ABCG1: variants seen among roughly 807,000 people sequenced by gnomAD.
ABCG1 encodes ATP binding cassette subfamily G member 1.
A neutral mutation model predicts 69.2 loss-of-function variants in ABCG1; 29 were observed. The ratio of observed to expected loss-of-function variants is 0.42; its 90% CI spans 0.31 to 0.57. The LOEUF is 0.57. Among genes scored for constraint, ABCG1 ranks in the 20% least tolerant of loss-of-function variants. ABCG1 has a pLI of 0.15. For missense variants in ABCG1, 718 were observed against 898.1 expected (o/e 0.80, Z 2.56); for synonymous variants, 370 against 374.8 (o/e 0.99, Z 0.15).
At chr21:42,266,701 G>A (rs1172986829) in intron 2 of ABCG1, among the ~76,000 whole-genome samples, 1 of 152,160 alleles carries the variant, frequency 6.6e-6, no homozygotes, top group African/African-American at 2.4e-5. Context: ...CCCATATTTT[G>A]TGTTAAGGAG....
At chr21:42,221,173 A>T (rs1474292457) in intron 1 of ABCG1, 1 of 152,204 alleles carries the variant, frequency 6.6e-6, no homozygotes, top group Non-Finnish European at 1.5e-5. Flanking sequence ...ATTTCTATTC[A>T]TGCACAGCTG....
intron 2 of ABCG1, among the ~76,000 whole-genome samples, chr21:42,263,871 G>T (rs145650114): frequency 6.6e-6 from 1 of 152,234 alleles, no homozygotes; most frequent in Admixed American, 6.5e-5. Flanking sequence ...ACAAGGCCAC[G>T]GCGTTGCCTG....
intron 2 of ABCG1, among the ~76,000 whole-genome samples, chr21:42,242,878 A>C (rs1229153561): frequency 1.3e-5 from 2 of 151,968 alleles, no homozygotes; most frequent in Non-Finnish European, 2.9e-5. Flanking sequence ...GCTGGGCTGC[A>C]CCCCCGGGGG....
At chr21:42,201,866 T>C in intron 2 of ABCG1, 1 of 1,537,272 alleles carries the variant, frequency 6.5e-7, no homozygotes, top group South Asian at 1.2e-5. Context: ...TGTAGTTTGG[T>C]GAGGGGCCAG....
Position 42,227,632 on chromosome 21 carries a change from C to T in ABCG1, c.286+1718C>T, listed in dbSNP as rs1272177295. Among the ~76,000 whole-genome samples the T allele has an allele frequency of 2.6e-5, 4 of 152,320 alleles. 1 individual carries two copies. The highest frequency in any genetic ancestry group is 6.8e-3 in the Middle Eastern group (2 of 292). On this transcript the variant is annotated intron_variant, in intron 2 of 14. Coordinates refer to ENST00000398449, the MANE Select transcript of ABCG1 (RefSeq NM_016818.3). ...GGCACACAGGTGTAGCCAGTGTTTGCAAGCAGTGAGTATCGCTCCCCTACC... is the reference window on the plus strand; with the variant it reads ...GGCACACAGGTGTAGCCAGTGTTTGTAAGCAGTGAGTATCGCTCCCCTACC...
At position 42,291,484 on chromosome 21, in the gene ABCG1, G is replaced by A. The variant is rs2146344801; in HGVS notation, c.1495-14G>A. 2.6e-5 allele frequency: 41 copies of A among 1,601,986 alleles called. No individual in the cohort carries two copies. Among genetic ancestry groups the A allele is most frequent in the Non-Finnish European group, 3.5e-5 (41 of 1,170,704 alleles). On this transcript the variant is annotated splice_polypyrimidine_tract_variant and intron_variant, in intron 12 of 14. Coordinates refer to ENST00000398449, the MANE Select transcript of ABCG1 (RefSeq NM_016818.3). The surrounding 1 kb of genome is among the most constrained non-coding windows in gnomAD (Gnocchi z 6.4). ...AAGCGGCTGAGCCCGCGGCTGACGG[G>A]TCCTTGTTTCCAGATCATGTTCCCA...
intron 2 of ABCG1, among the ~76,000 whole-genome samples, chr21:42,266,097 T>C (rs768731355): frequency 6.6e-6 from 1 of 152,032 alleles, no homozygotes; most frequent in Non-Finnish European, 1.5e-5. Context: ...GTCAGGAGAT[T>C]GAGACCATCC....
chr21:42,251,540 G>GGAC (rs1432394996), intron 2 of ABCG1, among the ~76,000 whole-genome samples: 1 of 116,430 alleles, frequency 8.6e-6, no homozygotes, highest in Non-Finnish European at 1.9e-5. Context: ...GACAAGGTTG[G>GGAC]GATGATAGGG....
chr21:42,226,001 G>A, intron 2 of ABCG1, 87 bp downstream of exon 2: 1 of 1,489,528 alleles, frequency 6.7e-7, no homozygotes, highest in Non-Finnish European at 9.1e-7. Flanking sequence ...GGGGTCTGGA[G>A]GTTGAGAGGC....
rs2069053537 is a variant in ABCG1 at position 42,291,310 on chromosome 21, C to T, written c.1494+118C>T. 2 of 1,155,360 alleles carry T rather than the reference C, an allele frequency of 1.7e-6. No homozygotes were observed. Among genetic ancestry groups the T allele is most frequent in the Non-Finnish European group, 2.5e-6 (2 of 802,004 alleles). The allele number at this position is 1,155,360 out of a possible 1,614,324, so 71.6% of individuals were successfully genotyped here. ...GTGACATGGCCCGACTTCGGGAGCT[C>T]TGGTGGGAGCTGCGGGGAAGGGCCT... On this transcript the variant is annotated intron_variant, in intron 12 of 14. Transcript: ENST00000398449. This position sits in a 1 kb window ranked among gnomAD's most constrained non-coding sequence, Gnocchi z 6.4.
At chr21:42,256,218 C>A in intron 2 of ABCG1, 1 of 1,449,414 alleles carries the variant, frequency 6.9e-7, no homozygotes, top group South Asian at 1.5e-5. Flanking sequence ...TAAGTGGTTT[C>A]CCATACAAGA....
chr21:42,216,019 G>C, upstream of ABCG1: 1 of 315,470 alleles, frequency 3.2e-6, no homozygotes, highest in Non-Finnish European at 6.5e-6. Context: ...TGAATCATAG[G>C]GGCAGGTCTT....
chr21:42,284,431 C>G, intron 6 of ABCG1, 129 bp from the exon 7 acceptor site: 1 of 1,157,104 alleles, frequency 8.6e-7, no homozygotes. Context: ...CGGCCTGGGA[C>G]GGGGCAGCTG....
chr21:42,294,606 G>C lies in ABCG1; in HGVS notation c.1718G>C (p.Ser573Thr). 1 of 1,614,218 alleles carries C rather than the reference G, an allele frequency of 6.2e-7. No individual in the cohort carries two copies. The highest frequency in any genetic ancestry group is 8.5e-7 in the Non-Finnish European group (1 of 1,180,022). Reference protein sequence around the residue: ...PVLLFSGFFVSFDTIPTYLQW... With the variant: ...PVLLFSGFFVTFDTIPTYLQW... ...CTCCTGTTCTCGGGGTTCTTCGTCAGCTTCGACACCATCCCCACGTACCTA... is the reference window on the plus strand; with the variant it reads ...CTCCTGTTCTCGGGGTTCTTCGTCACCTTCGACACCATCCCCACGTACCTA... Residue 573 changes from serine to threonine, a missense_variant, in exon 14 of 15, where the codon AGC (serine) becomes ACC (threonine). Ser to Thr is a moderately conservative substitution (Grantham distance 58). Transcript: ENST00000398449.
chr21:42,260,591 G>A (rs2068391404), intron 2 of ABCG1, among the ~76,000 whole-genome samples: 1 of 152,186 alleles, frequency 6.6e-6, no homozygotes, highest in South Asian at 2.1e-4. Context: ...TGGCATTAGA[G>A]GTGACAGTGC....
chr21:42,243,466 G>C (rs2068084188), intron 2 of ABCG1, among the ~76,000 whole-genome samples: 1 of 150,388 alleles, frequency 6.6e-6, no homozygotes, highest in Admixed American at 6.6e-5. Context: ...GTGTGTGTGT[G>C]TGTGTGTGTG....
Position 42,219,888 on chromosome 21 carries a change from G to A in ABCG1, c.42+584G>A. The A allele has an allele frequency of 1.3e-6, 2 of 1,543,872 alleles. No homozygotes were observed. Among genetic ancestry groups the A allele is most frequent in the Non-Finnish European group, 1.7e-6 (2 of 1,145,028 alleles). ...CTCGGGGAGGCGGCGGCGAAGGCCC[G>A]GGGAGACCCGCGAGGGGCAAGCCCG... On this transcript the variant is annotated intron_variant, in intron 1 of 14. Coordinates refer to ENST00000398449, the MANE Select transcript of ABCG1 (RefSeq NM_016818.3). This position sits in a 1 kb window ranked among gnomAD's most constrained non-coding sequence, Gnocchi z 5.3.
In ABCG1 at chr21:42,242,425, T is replaced by C. The variant is rs555098433; in HGVS notation, c.286+16511T>C. Among the ~76,000 whole-genome samples the C allele has an allele frequency of 2.3e-4, 35 of 152,272 alleles. No individual in the cohort carries two copies. In the South Asian group the frequency reaches 7.1e-3, roughly 31 times the overall value. On this transcript the variant is annotated intron_variant, in intron 2 of 14. Transcript: ENST00000398449. Reference sequence around the variant, plus strand: ...CTGAGCGGGGAGGGTTGCTTGAGGCTAGGAGTTCAAGGCTGCAGTAAGCTA... The same window carrying C: ...CTGAGCGGGGAGGGTTGCTTGAGGCCAGGAGTTCAAGGCTGCAGTAAGCTA...
At chr21:42,220,591 G>A (rs756222780) in intron 1 of ABCG1, among the ~76,000 whole-genome samples, 3 of 152,260 alleles carry the variant, frequency 2.0e-5, no homozygotes, top group Non-Finnish European at 4.4e-5. Flanking sequence ...GGGTGGAGGA[G>A]GGGAGAGCCC....
Sources: gnomAD v4.1 joint callset for allele counts (sites outside exome capture counted in the v4.1 genomes callset) on GRCh38, gnomAD v4.1.1 for gene constraint, Gnocchi (gnomAD v3.1) non-coding constraint, MANE v1.5 for transcripts, NCBI Gene and HGNC (gene_info 2026-07-23, HGNC 2026-07-21) for gene names.